The following MEP1A variants were observed in gnomAD, a reference collection of about 807,000 sequenced individuals.
MEP1A encodes the protein meprin A subunit alpha.
Under a neutral mutation model 84.5 loss-of-function variants are expected in MEP1A, and 68 were observed. The observed-to-expected ratio is 0.80, with a 90% CI of 0.66 to 0.98. The LOEUF (loss-of-function observed/expected upper bound fraction) is 0.98, where lower values mean the gene tolerates loss of function less well. Ranked by LOEUF, MEP1A falls within the 50% of genes least tolerant of loss-of-function variation. MEP1A has a pLI of 0.00. For synonymous variants in MEP1A, 337 were observed against 336.8 expected, an observed-to-expected ratio of 1.00 and a Z score of -0.01; for missense variants, 887 against 919.9, an observed-to-expected ratio of 0.96 and a Z score of 0.46.
At chr6:46,804,431 C>T (rs1311144032) in intron 5 of MEP1A, among the ~76,000 whole-genome samples, 1 of 151,650 alleles carries the variant, frequency 6.6e-6, no homozygotes, top group Non-Finnish European at 1.5e-5. Flanking sequence ...CATTCACATA[C>T]TCATAACCTA....
chr6:46,797,772 T>TTTTC (rs372845920), intron 3 of MEP1A, among the ~76,000 whole-genome samples: 18 of 150,016 alleles, frequency 1.2e-4, no homozygotes, highest in Middle Eastern at 3.4e-3. Flanking sequence ...CTTTCTTTCT[T>TTTTC]TTTCTTTCTT....
At chr6:46,799,037 A>T in intron 4 of MEP1A, 69 bp from the exon 5 acceptor site, 1 of 915,308 alleles carries the variant, frequency 1.1e-6, no homozygotes, top group Non-Finnish European at 1.8e-6. Flanking sequence ...GTGAGAGTTT[A>T]GTGAAGGAGG....
chr6:46,822,326 G>A (rs1767798569), intron 7 of MEP1A, among the ~76,000 whole-genome samples: 1 of 152,110 alleles, frequency 6.6e-6, no homozygotes, highest in South Asian at 2.1e-4. Flanking sequence ...AGGATCGCAT[G>A]CCCTGGATTA....
At chr6:46,804,303 A>G (rs973978117) in intron 5 of MEP1A, among the ~76,000 whole-genome samples, 1 of 151,800 alleles carries the variant, frequency 6.6e-6, no homozygotes, top group Admixed American at 6.6e-5. Flanking sequence ...GGTTTATAGT[A>G]GTGTTAAAAA....
intron 5 of MEP1A, among the ~76,000 whole-genome samples, chr6:46,803,017 G>A (rs765029503): frequency 6.6e-6 from 1 of 151,462 alleles, no homozygotes; most frequent in Non-Finnish European, 1.5e-5. Flanking sequence ...ATAAAGTTAT[G>A]TAGCTCTCAA....
intron 11 of MEP1A, among the ~76,000 whole-genome samples, chr6:46,834,354 C>G (rs987421534): frequency 1.3e-5 from 2 of 152,032 alleles, no homozygotes; most frequent in African/African-American, 4.8e-5. Context: ...TTCTCTGCCT[C>G]TCCCATCTTT....
chr6:46,835,402 G>T lies in MEP1A; in HGVS notation c.1937G>T (p.Gly646Val), dbSNP rs1768194952. 6.2e-7 allele frequency: 1 copy of T among 1,612,414 alleles called. No individual in the cohort carries two copies. The highest frequency in any genetic ancestry group is 8.5e-7 in the Non-Finnish European group (1 of 1,179,274). ...EEALPVSLSQGQPSRQKRSVE... is the reference protein window; with the variant it reads ...EEALPVSLSQVQPSRQKRSVE... ...GCCCTACCTGTCAGCCTGAGCCAGG[G>T]GCAGCCCAGCCGACAGAAGCGGTCG... The change falls in exon 13 of 14, where the codon GGG (glycine) becomes GTG (valine). Residue 646 changes from glycine (G) to valine (V), a missense_variant. By Grantham distance (109) the Gly-to-Val change is moderately radical. Transcript: ENST00000230588.
At chr6:46,818,851 T>G (rs1049438602) in intron 6 of MEP1A, among the ~76,000 whole-genome samples, 1 of 152,232 alleles carries the variant, frequency 6.6e-6, no homozygotes, top group East Asian at 1.9e-4. Context: ...AAGGGCTAGG[T>G]GCGATGGCTC....
intron 5 of MEP1A, among the ~76,000 whole-genome samples, chr6:46,808,639 C>T (rs1022293723): frequency 4.6e-5 from 7 of 152,046 alleles, no homozygotes; most frequent in Non-Finnish European, 1.0e-4. Flanking sequence ...TCTTACAATG[C>T]CAAAGTGCAT....
intron 7 of MEP1A, among the ~76,000 whole-genome samples, chr6:46,823,930 GT>G (rs1767840013): frequency 6.6e-6 from 1 of 152,104 alleles, no homozygotes; most frequent in African/African-American, 2.4e-5. Context: ...AGGAAAATAA[GT>G]TTTCTTCTTC....
chr6:46,802,693 T>C (rs1034248308), intron 5 of MEP1A, among the ~76,000 whole-genome samples: 1 of 146,730 alleles, frequency 6.8e-6, no homozygotes, highest in African/African-American at 2.4e-5. Context: ...TGTGGGACAC[T>C]GTAGGTTTTC....
chr6:46,797,375 A>G (rs1767067792), intron 3 of MEP1A, among the ~76,000 whole-genome samples: 1 of 152,204 alleles, frequency 6.6e-6, no homozygotes, highest in Admixed American at 6.5e-5. Context: ...AAATTTTCCT[A>G]CAAAGATCTT....
At chr6:46,804,751 T>C (rs770918320) in intron 5 of MEP1A, among the ~76,000 whole-genome samples, 1 of 151,862 alleles carries the variant, frequency 6.6e-6, no homozygotes, top group African/African-American at 2.4e-5. Context: ...TTATAATGTA[T>C]GTACCTCTGA....
intron 10 of MEP1A, among the ~76,000 whole-genome samples, chr6:46,831,518 T>G (rs1415692618): frequency 6.6e-6 from 1 of 152,162 alleles, no homozygotes; most frequent in African/African-American, 2.4e-5. Context: ...CCTGACTGAT[T>G]TAGGGCAGCC....
intron 3 of MEP1A, among the ~76,000 whole-genome samples, chr6:46,794,410 TGTC>T (rs1171983975): frequency 6.6e-6 from 1 of 152,212 alleles, no homozygotes; most frequent in African/African-American, 2.4e-5. Flanking sequence ...TGTCCAGTCT[TGTC>T]GTGGAGTAAG....
intron 13 of MEP1A, among the ~76,000 whole-genome samples, chr6:46,836,580 T>C (rs931196402): frequency 1.3e-5 from 2 of 152,222 alleles, no homozygotes; most frequent in Non-Finnish European, 2.9e-5. Context: ...AAATGAACAT[T>C]GGTACAATGC....
rs1275724663 is a variant in MEP1A at position 46,807,824 on chromosome 6, AAAGAAAGAAAGAAAGG to A, written c.263-1588_263-1573del. 1.2e-3 allele frequency among the ~76,000 whole-genome samples: 173 copies of A among 144,736 alleles called. 2 individuals are homozygous for A. Among genetic ancestry groups the A allele is most frequent in the Middle Eastern group, 3.5e-3 (1 of 288 alleles). 95.0% of individuals were successfully genotyped at this position (144,736 alleles called of 152,430 possible). A position where few individuals can be genotyped will look rare whatever the true frequency, so the allele number is the denominator to read the frequency against. On this transcript the variant is annotated intron_variant, in intron 5 of 13. Transcript: ENST00000230588. ...GAAAGAAAGAAAGAAAGAAAGAAAGAAAGAAAGAAAGAAAGGAAGAAAGGAAATAAATCAGTCAAAT... is the reference window on the plus strand; with the variant it reads ...GAAAGAAAGAAAGAAAGAAAGAAAGAAAGAAAGGAAATAAATCAGTCAAAT...
chr6:46,796,603 C>G (rs913982475), intron 3 of MEP1A, among the ~76,000 whole-genome samples: 2 of 152,172 alleles, frequency 1.3e-5, no homozygotes, highest in African/African-American at 4.8e-5. Context: ...ATCCCAGCAT[C>G]TAGAAAAATG....
At chr6:46,813,090 TG>T (rs1225049412) in intron 6 of MEP1A, among the ~76,000 whole-genome samples, 3 of 152,070 alleles carry the variant, frequency 2.0e-5, no homozygotes, top group African/African-American at 7.2e-5. Flanking sequence ...GTTATTGTGT[TG>T]CCATCCACCT....
Sources: allele counts gnomAD v4.1 joint callset (sites outside exome capture counted in the v4.1 genomes callset), GRCh38; gene constraint gnomAD v4.1.1; transcripts MANE v1.5; gene names NCBI Gene and HGNC (gene_info 2026-07-23, HGNC 2026-07-21).